Variants in ST7L observed in about 807,000 individuals in gnomAD.
ST7L encodes the protein suppression of tumorigenicity 7 like.
Under a neutral mutation model 72.5 loss-of-function variants are expected in ST7L, and 57 were observed. That is an observed-to-expected ratio of 0.79 (90% CI 0.64 to 0.98). ST7L has a LOEUF of 0.98. Among genes scored for constraint, ST7L ranks in the 50% least tolerant of loss-of-function variants. The pLI, the probability that ST7L is intolerant of heterozygous loss-of-function variation, is 0.00. For synonymous variants in ST7L, 221 were observed against 240.9 expected (o/e 0.92, Z 0.77); for missense variants, 576 against 672.2 (o/e 0.86, Z 1.58).
chr1:112,618,146 T>A, intron 1 of ST7L: 2 of 1,276,702 alleles, frequency 1.6e-6, no homozygotes, highest in Non-Finnish European at 2.1e-6. Context: ...GAGTGAAATA[T>A]AATCACATGG....
At chr1:112,520,489 G>T, downstream of ST7L, 1 of 1,614,116 alleles carries the variant, frequency 6.2e-7, no homozygotes, top group South Asian at 1.1e-5. Flanking sequence ...CAAGAAGGCA[G>T]AGTGGCTGGA....
intron 11 of ST7L, among the ~76,000 whole-genome samples, chr1:112,572,092 T>C (rs1411190389): frequency 6.6e-6 from 1 of 152,220 alleles, no homozygotes; most frequent in East Asian, 1.9e-4. Flanking sequence ...AGGTACATTG[T>C]CAATGAGCAG....
chr1:112,612,765 C>T (rs1669271108), intron 2 of ST7L, among the ~76,000 whole-genome samples: 1 of 151,972 alleles, frequency 6.6e-6, no homozygotes, highest in Admixed American at 6.6e-5. Flanking sequence ...AACTTCTTTA[C>T]ACAAGCAGAA....
chr1:112,555,853 G>T lies in ST7L; in HGVS notation c.1396+15C>A. The T allele has an allele frequency of 6.8e-7, 1 of 1,479,932 alleles. No homozygotes were observed. 91.7% of individuals were successfully genotyped at this position (1,479,932 alleles called of 1,614,324 possible). On this transcript the variant is annotated intron_variant, in intron 12 of 14. Transcript: ENST00000358039. ...GTTAGAGAGATTAGTGTTACTTTTG[G>T]AAAAGAATACTTACTGCCTTCCCAT...
intron 11 of ST7L, among the ~76,000 whole-genome samples, chr1:112,574,071 C>T (rs567719743): frequency 1.3e-5 from 2 of 149,620 alleles, no homozygotes; most frequent in East Asian, 4.2e-4. Flanking sequence ...CACCCCACCA[C>T]ACCCGGTTAA....
intron 3 of ST7L, among the ~76,000 whole-genome samples, chr1:112,606,441 A>C (rs1460731701): frequency 1.3e-5 from 2 of 152,192 alleles, no homozygotes; most frequent in Admixed American, 1.3e-4. Flanking sequence ...ACTTTATACA[A>C]GGACCACCTT....
At position 112,557,399 on chromosome 1, in the gene ST7L, A is replaced by G. The variant is rs1211511010; in HGVS notation, c.1246-1381T>C. ...TGTTTTCAAGGTTCACCCAGTTTGTAGCATGCATGGGTACTTGTGCCTCAT... is the reference window on the plus strand; with the variant it reads ...TGTTTTCAAGGTTCACCCAGTTTGTGGCATGCATGGGTACTTGTGCCTCAT... On this transcript the variant is annotated intron_variant, in intron 11 of 14. Transcript: ENST00000358039. Among the ~76,000 whole-genome samples, 4 of 152,220 alleles carry G rather than the reference A, an allele frequency of 2.6e-5. No individual in the cohort carries two copies. In the South Asian group the frequency reaches 8.3e-4, roughly 32 times the overall value.
intron 11 of ST7L, among the ~76,000 whole-genome samples, chr1:112,563,719 T>C (rs1660525628): frequency 6.6e-6 from 1 of 152,190 alleles, no homozygotes. Context: ...AAAGACATAA[T>C]GATGTATGGT....
At chr1:112,576,962 T>C (rs187724835) in intron 11 of ST7L, 24 bp downstream of exon 11, 19 of 1,512,902 alleles carry the variant, frequency 1.3e-5, no homozygotes, top group Middle Eastern at 3.4e-4. Flanking sequence ...ATAAAGGTAG[T>C]ATTTTTATCA....
At chr1:112,616,919 G>A in intron 1 of ST7L, 24 bp from the exon 2 acceptor site, 2 of 1,559,156 alleles carry the variant, frequency 1.3e-6, no homozygotes, top group Non-Finnish European at 1.7e-6. Context: ...AAGAATCAAA[G>A]TTTTAAAAAA....
intron 3 of ST7L, 68 bp from the exon 4 acceptor site, chr1:112,600,916 T>C: frequency 7.1e-7 from 1 of 1,402,466 alleles, no homozygotes; most frequent in East Asian, 2.4e-5. Flanking sequence ...CAATATCTAT[T>C]GTCTACCCAC....
chr1:112,568,861 A>AAT (rs377429784), intron 11 of ST7L, among the ~76,000 whole-genome samples: 5,010 of 114,742 alleles, frequency 0.044, 135 homozygotes, highest in East Asian at 0.095. Context: ...TATAAATATA[A>AAT]ATATATATAT....
chr1:112,584,767 C>T (rs1002173102), intron 6 of ST7L, among the ~76,000 whole-genome samples: 2 of 152,134 alleles, frequency 1.3e-5, no homozygotes, highest in Non-Finnish European at 2.9e-5. Flanking sequence ...GGATTACAGG[C>T]GTGAGCCACC....
chr1:112,539,852 T>G, intron 14 of ST7L: 1 of 985,200 alleles, frequency 1.0e-6, no homozygotes, highest in East Asian at 1.1e-4. Context: ...GATAAAAATG[T>G]GGCTGTAAAA....
intron 9 of ST7L, among the ~76,000 whole-genome samples, chr1:112,579,102 T>C (rs560193869): frequency 6.6e-6 from 1 of 151,934 alleles, no homozygotes; most frequent in South Asian, 2.1e-4. Context: ...AACCTGCTTA[T>C]GGACGGGCGT....
chr1:112,565,387 A>T (rs1197802763), intron 11 of ST7L, among the ~76,000 whole-genome samples: 1 of 151,914 alleles, frequency 6.6e-6, no homozygotes. Context: ...GTAACTTTTA[A>T]ATGCTACAGA....
intron 1 of ST7L, chr1:112,617,111 G>A: frequency 6.6e-6 from 2 of 304,546 alleles, no homozygotes; most frequent in South Asian, 5.8e-5. Flanking sequence ...TTGCTTTGGA[G>A]AATAAAACTA....
chr1:112,571,260 T>C, intron 11 of ST7L: 1 of 454,936 alleles, frequency 2.2e-6, no homozygotes, highest in Non-Finnish European at 4.4e-6. Context: ...AATATAAGTT[T>C]ATAGCATCAC....
chr1:112,574,955 A>C (rs1161070395), intron 11 of ST7L, among the ~76,000 whole-genome samples: 1 of 152,064 alleles, frequency 6.6e-6, no homozygotes, highest in African/African-American at 2.4e-5. Context: ...AAAAGTTTAC[A>C]AGGCTGGGCG....
Sources: allele counts gnomAD v4.1 joint callset (sites outside exome capture counted in the v4.1 genomes callset), GRCh38; gene constraint gnomAD v4.1.1; transcripts MANE v1.5; gene names NCBI Gene and HGNC (gene_info 2026-07-23, HGNC 2026-07-21).